IGFBP5: variants seen among roughly 807,000 people sequenced by gnomAD.
IGFBP5 encodes insulin-like growth factor-binding protein 5.
IGFBP5 carries 12 observed loss-of-function variants against 28.0 expected under a neutral mutation model. The observed-to-expected ratio is 0.43, with a 90% CI of 0.27 to 0.69. The LOEUF is 0.69. Ranked by LOEUF, IGFBP5 falls within the 30% of genes least tolerant of loss-of-function variation. The pLI, the probability that IGFBP5 is intolerant of heterozygous loss-of-function variation, is 0.20. For missense variants in IGFBP5, 344 were observed against 381.6 expected, an observed-to-expected ratio of 0.90 and a Z score of 0.82; for synonymous variants, 152 against 150.2, an observed-to-expected ratio of 1.01 and a Z score of -0.09.
intron 1 of IGFBP5, among the ~76,000 whole-genome samples, chr2:216,683,985 C>T (rs952491440): frequency 1.3e-5 from 2 of 152,302 alleles, no homozygotes; most frequent in Admixed American, 1.3e-4. Context: ...CACAGAGGCA[C>T]ACACAGTACA....
At position 216,672,265 on chromosome 2, in the gene IGFBP5, A is replaced by C. The variant is rs916723233; in HGVS notation, c.*4486T>G. On this transcript the variant is annotated 3_prime_UTR_variant, in exon 4 of 4. Coordinates refer to ENST00000233813, the MANE Select transcript of IGFBP5 (RefSeq NM_000599.4). The stretch of plus-strand genomic sequence containing the variant: ...TGGTTTTTTATTTCCTTAAGTACAA[A>C]ATGCTAAACGGGAGCCGAGCTCTTC... 6.7e-6 allele frequency: 1 copy of C among 148,660 alleles called. No individual in the cohort carries two copies. The highest frequency in any genetic ancestry group is 1.5e-5 in the Non-Finnish European group (1 of 67,508). The allele number at this position is 148,660 out of a possible 1,614,324, so 9.2% of individuals were successfully genotyped here.
chr2:216,678,778 G>A (rs757014102), intron 2 of IGFBP5, 72 bp downstream of exon 2: 43 of 1,284,826 alleles, frequency 3.3e-5, no homozygotes, highest in Admixed American at 2.2e-4. Flanking sequence ...ACCTCCTGCC[G>A]CCATGAATGT....
At chr2:216,683,122 C>T (rs1168743261) in intron 1 of IGFBP5, among the ~76,000 whole-genome samples, 1 of 152,090 alleles carries the variant, frequency 6.6e-6, no homozygotes, top group Non-Finnish European at 1.5e-5. Flanking sequence ...AGTTCGAGAC[C>T]AGCCTGGACA....
rs1437482490 is a variant in IGFBP5, at chr2:216,679,347, G to A, written c.338-268C>T. The A allele has an allele frequency of 5.8e-6, 3 of 518,828 alleles. No homozygotes were observed. The highest frequency in any genetic ancestry group is 1.1e-5 in the Non-Finnish European group (3 of 283,338). 32.1% of individuals were successfully genotyped at this position (518,828 alleles called of 1,614,324 possible). On this transcript the variant is annotated intron_variant, in intron 1 of 3. Coordinates refer to ENST00000233813, the MANE Select transcript of IGFBP5 (RefSeq NM_000599.4). This position sits in a 1 kb window ranked among gnomAD's most constrained non-coding sequence, Gnocchi z 4.6. Reference sequence around the variant, plus strand: ...CACAGAGGAGGAGAATCGAGAGACTGACAGACTGATGGGTGAGGACGGAGC... The same window carrying A: ...CACAGAGGAGGAGAATCGAGAGACTAACAGACTGATGGGTGAGGACGGAGC...
intron 1 of IGFBP5, among the ~76,000 whole-genome samples, chr2:216,690,233 A>G (rs1689078351): frequency 6.6e-6 from 1 of 152,114 alleles, no homozygotes; most frequent in African/African-American, 2.4e-5. Flanking sequence ...TGTAGAGAAA[A>G]AGCAAATGTA....
At chr2:216,678,283 AGCTGC>A in intron 2 of IGFBP5, 52 bp from the exon 3 acceptor site, 1 of 1,458,130 alleles carries the variant, frequency 6.9e-7, no homozygotes, top group Non-Finnish European at 9.1e-7. Context: ...AAAACCACCC[AGCTGC>A]GCTGACGAAT....
rs1389749882 is a variant in IGFBP5 at position 216,674,967 on chromosome 2, C to T, written c.*1784G>A. On this transcript the variant is annotated 3_prime_UTR_variant, in exon 4 of 4. Transcript: ENST00000233813. The surrounding 1 kb of genome is among the most constrained non-coding windows in gnomAD (Gnocchi z 4.4). ...AAAGTCTAGCACCCTCCTAAAGTTA[C>T]TCACCTTCCCTGGCTCTGCGGCCTG... 6.6e-6 allele frequency: 1 copy of T among 152,260 alleles called. No individual in the cohort carries two copies. The highest frequency in any genetic ancestry group is 1.9e-4 in the East Asian group (1 of 5,206). The allele number at this position is 152,260 out of a possible 1,614,324, so 9.4% of individuals were successfully genotyped here.
At chr2:216,693,433 T>C (rs959062084) in intron 1 of IGFBP5, among the ~76,000 whole-genome samples, 2 of 49,086 alleles carry the variant, frequency 4.1e-5, no homozygotes, top group Non-Finnish European at 7.8e-5. Flanking sequence ...GTTTAAGAGA[T>C]TGGGGAGGGC....
Position 216,672,236 on chromosome 2 carries a change from T to C in IGFBP5, c.*4515A>G, listed in dbSNP as rs1688837091. The C allele has an allele frequency of 6.6e-6, 1 of 151,868 alleles. No homozygotes were observed. Among genetic ancestry groups the C allele is most frequent in the African/African-American group, 2.4e-5 (1 of 41,336 alleles). 9.4% of individuals were successfully genotyped at this position (151,868 alleles called of 1,614,324 possible). On this transcript the variant is annotated 3_prime_UTR_variant, in exon 4 of 4. Transcript: ENST00000233813. ...ACTTTTTAAGAAAATGTGAGATCCTTTGTTGGTTTTTTATTTCCTTAAGTA... is the reference window on the plus strand; with the variant it reads ...ACTTTTTAAGAAAATGTGAGATCCTCTGTTGGTTTTTTATTTCCTTAAGTA...
Position 216,682,807 on chromosome 2 carries a change from T to C in IGFBP5, c.338-3728A>G, listed in dbSNP as rs546177013. Among the ~76,000 whole-genome samples the C allele has an allele frequency of 3.0e-4, 45 of 152,040 alleles. No homozygotes were observed. In the South Asian group the frequency reaches 5.2e-3, roughly 18 times the overall value. ...CACTGTAAGCTCCGCCTCCTGGGTTTACGCCATTCTCCTGCCTCATCCTCC... is the reference window on the plus strand; with the variant it reads ...CACTGTAAGCTCCGCCTCCTGGGTTCACGCCATTCTCCTGCCTCATCCTCC... On this transcript the variant is annotated intron_variant, in intron 1 of 3. Coordinates refer to ENST00000233813, the MANE Select transcript of IGFBP5 (RefSeq NM_000599.4).
At chr2:216,684,243 C>T (rs1436924553) in intron 1 of IGFBP5, among the ~76,000 whole-genome samples, 1 of 152,228 alleles carries the variant, frequency 6.6e-6, no homozygotes, top group Non-Finnish European at 1.5e-5. Context: ...GGTTCTGACT[C>T]CACCTTGCTT....
intron 1 of IGFBP5, among the ~76,000 whole-genome samples, chr2:216,682,298 A>G (rs539764495): frequency 7.2e-5 from 11 of 152,324 alleles, no homozygotes; most frequent in African/African-American, 2.4e-4. Context: ...GACAGCGGAA[A>G]CTTGGAGGGG....
At position 216,672,613 on chromosome 2, in the gene IGFBP5, A is replaced by G. The variant is rs113855253; in HGVS notation, c.*4138T>C. 119 of 152,868 alleles carry G rather than the reference A, an allele frequency of 7.8e-4. No individual in the cohort carries two copies. The highest frequency in any genetic ancestry group is 2.5e-3 in the African/African-American group (105 of 41,544). 9.5% of individuals were successfully genotyped at this position (152,868 alleles called of 1,614,324 possible). A position where few individuals can be genotyped will look rare whatever the true frequency, so the allele number is the denominator to read the frequency against. On this transcript the variant is annotated 3_prime_UTR_variant, in exon 4 of 4. Transcript: ENST00000233813. ...AGGAATCTTGTCTGACAACTGTGCTATCCATGTGGGCTACGGTGTGACAGT... is the reference window on the plus strand; with the variant it reads ...AGGAATCTTGTCTGACAACTGTGCTGTCCATGTGGGCTACGGTGTGACAGT...
rs1211415100 is a variant in IGFBP5, at chr2:216,694,829, G to A, written c.-54C>T. 4.1e-6 allele frequency: 5 copies of A among 1,217,914 alleles called. No homozygotes were observed. Among genetic ancestry groups the A allele is most frequent in the Non-Finnish European group, 5.3e-6 (5 of 944,644 alleles). 75.4% of individuals were successfully genotyped at this position (1,217,914 alleles called of 1,614,324 possible). ...GGTGGGGCAGGAGAGCGAGAGTGCA[G>A]GGATAAAGGGGCCAAGAGGGCCCCC... On this transcript the variant is annotated 5_prime_UTR_variant, in exon 1 of 4. Coordinates refer to ENST00000233813, the MANE Select transcript of IGFBP5 (RefSeq NM_000599.4). The surrounding 1 kb of genome is among the most constrained non-coding windows in gnomAD (Gnocchi z 5.2).
rs59144401 is a variant in IGFBP5 at position 216,692,362 on chromosome 2, C to CGTGT, written c.337+2073_337+2076dup. Among the ~76,000 whole-genome samples the CGTGT allele has an allele frequency of 0.3, 42,412 of 142,180 alleles. 6,521 individuals are homozygous for CGTGT. The highest frequency in any genetic ancestry group is 0.35 in the South Asian group (1,467 of 4,168). 93.3% of individuals were successfully genotyped at this position (142,180 alleles called of 152,430 possible). A position where few individuals can be genotyped will look rare whatever the true frequency, so the allele number is the denominator to read the frequency against. ...GGGATCTTGCTTGGGACTGAAGTGT[C>CGTGT]GTGTGTGTGTGTGTGTGTGTGTGTG... On this transcript the variant is annotated intron_variant, in intron 1 of 3. Transcript: ENST00000233813. This position sits in a 1 kb window ranked among gnomAD's most constrained non-coding sequence, Gnocchi z 4.2.
Position 216,694,578 on chromosome 2 carries a change from C to G in IGFBP5, c.198G>C (p.Ser66=). ...CMTCALAEGQ[S]CGVYTERCAQ... ...CGCAGCGCTCGGTGTAGACGCCGCA[C>G]GACTGCCCCTCGGCCAGGGCGCAGG... The change falls in exon 1 of 4, where the codon TCG becomes TCC. Residue 66 remains serine (S), a synonymous_variant. Transcript: ENST00000233813. This position sits in a 1 kb window ranked among gnomAD's most constrained non-coding sequence, Gnocchi z 5.2. 1 of 1,555,298 alleles carries G rather than the reference C, an allele frequency of 6.4e-7. No individual in the cohort carries two copies. Among genetic ancestry groups the G allele is most frequent in the Non-Finnish European group, 8.7e-7 (1 of 1,152,242 alleles).
Position 216,694,847 on chromosome 2 carries a change from G to A in IGFBP5, c.-72C>T. The A allele has an allele frequency of 9.5e-7, 1 of 1,052,416 alleles. No homozygotes were observed. Among genetic ancestry groups the A allele is most frequent in the Non-Finnish European group, 1.2e-6 (1 of 809,380 alleles). The allele number at this position is 1,052,416 out of a possible 1,614,324, so 65.2% of individuals were successfully genotyped here. ...GAGTGCAGGGATAAAGGGGCCAAGA[G>A]GGCCCCCGGAGATTTTTTTGTTTTT... On this transcript the variant is annotated 5_prime_UTR_variant, in exon 1 of 4. Transcript: ENST00000233813. The surrounding 1 kb of genome is among the most constrained non-coding windows in gnomAD (Gnocchi z 5.2).
chr2:216,691,156 G>C (rs574092929), intron 1 of IGFBP5, among the ~76,000 whole-genome samples: 14 of 152,326 alleles, frequency 9.2e-5, no homozygotes, highest in African/African-American at 3.1e-4. Flanking sequence ...TGGAGTTGAA[G>C]CCAGGGTGAT....
At chr2:216,682,916 G>A (rs1379990694) in intron 1 of IGFBP5, among the ~76,000 whole-genome samples, 2 of 152,016 alleles carry the variant, frequency 1.3e-5, no homozygotes, top group Admixed American at 6.5e-5. Flanking sequence ...CACCGTGTTA[G>A]CCAGGATGGT....
Sources: gnomAD v4.1 joint callset for allele counts (sites outside exome capture counted in the v4.1 genomes callset) on GRCh38, gnomAD v4.1.1 for gene constraint, Gnocchi (gnomAD v3.1) non-coding constraint, MANE v1.5 for transcripts, NCBI Gene and HGNC (gene_info 2026-07-23, HGNC 2026-07-21) for gene names.